The following PNPT1 variants were observed in gnomAD, a reference collection of about 807,000 sequenced individuals.
The protein encoded by PNPT1 is polyribonucleotide nucleotidyltransferase 1, mitochondrial.
PNPT1 carries 53 observed loss-of-function variants against 119.5 expected under a neutral mutation model. The observed-to-expected ratio is 0.44, with a 90% CI of 0.36 to 0.56. The LOEUF is 0.56. Ranked by LOEUF, PNPT1 falls within the 20% of genes least tolerant of loss-of-function variation. The pLI, the probability that PNPT1 is intolerant of heterozygous loss-of-function variation, is 0.00. For missense variants in PNPT1, 948 were observed against 938.5 expected, an observed-to-expected ratio of 1.01 and a Z score of -0.13; for synonymous variants, 357 against 322.1, an observed-to-expected ratio of 1.11 and a Z score of -1.16.
At chr2:55,637,794 A>G (rs1559084051) in intron 26 of PNPT1, among the ~76,000 whole-genome samples, 195 bp from the exon 27 acceptor site, 1 of 151,968 alleles carries the variant, frequency 6.6e-6, no homozygotes, top group Non-Finnish European at 1.5e-5. Flanking sequence ...CAGGAGATTG[A>G]GACCATCTCT....
intron 15 of PNPT1, among the ~76,000 whole-genome samples, chr2:55,657,591 G>C (rs2104077404): frequency 6.6e-6 from 1 of 151,372 alleles, no homozygotes; most frequent in South Asian, 2.1e-4. Context: ...TCACCATGTT[G>C]GTCAGGCTGG....
chr2:55,651,681 G>T (rs1313076054), intron 18 of PNPT1, among the ~76,000 whole-genome samples: 1 of 148,146 alleles, frequency 6.8e-6, no homozygotes, highest in Non-Finnish European at 1.5e-5. Flanking sequence ...AGAGACCTTT[G>T]TTCACTTGTT....
intron 25 of PNPT1, among the ~76,000 whole-genome samples, chr2:55,641,569 G>A (rs1311119033): frequency 6.6e-6 from 1 of 152,060 alleles, no homozygotes; most frequent in Non-Finnish European, 1.5e-5. Context: ...GTAAGGTAAG[G>A]ATTTAAGGAA....
rs994036501 is a variant in PNPT1, at chr2:55,671,412, A to G, written c.919-36T>C. ...GTTGAGGTTCAGTTATTACATATAC[A>G]TGACAACATTTAATATTTCTGTTTT... On this transcript the variant is annotated intron_variant, in intron 10 of 27. Coordinates refer to ENST00000447944, the MANE Select transcript of PNPT1 (RefSeq NM_033109.5). The G allele has an allele frequency of 7.2e-6, 9 of 1,245,638 alleles. No individual in the cohort carries two copies. In the African/African-American group the frequency reaches 1.2e-4, roughly 17 times the overall value. The allele number at this position is 1,245,638 out of a possible 1,614,324, so 77.2% of individuals were successfully genotyped here.
chr2:55,667,121 T>C (rs750967970), intron 12 of PNPT1, 28 bp from the exon 13 acceptor site: 26 of 1,532,748 alleles, frequency 1.7e-5, no homozygotes, highest in Admixed American at 1.2e-4. Context: ...ATAAGTACAT[T>C]AAGTAACGCT....
intron 3 of PNPT1, 58 bp downstream of exon 3, chr2:55,686,312 T>C (rs1054011162): frequency 6.7e-7 from 1 of 1,488,336 alleles, no homozygotes; most frequent in South Asian, 1.2e-5. Context: ...AAAAATATTA[T>C]ACATTCTACA....
intron 18 of PNPT1, among the ~76,000 whole-genome samples, chr2:55,653,677 A>T (rs905306290): frequency 2.0e-5 from 3 of 152,232 alleles, no homozygotes; most frequent in African/African-American, 7.2e-5. Flanking sequence ...CTTAAATATC[A>T]GATTATGTTT....
rs2104127478 is a variant in PNPT1 at position 55,673,023 on chromosome 2, T to C, written c.736A>G (p.Lys246Glu). The C allele has an allele frequency of 1.2e-6, 2 of 1,612,720 alleles. No homozygotes were observed. The highest frequency in any genetic ancestry group is 1.7e-6 in the Non-Finnish European group (2 of 1,179,800). ...TGTTGGGTATATTTCACTCCCACTT[T>C]GATAGCATGGCAAAAGTCCTGCTGT... Reference protein sequence around the residue: ...ILQQDFCHAIKVGVKYTQQII... With the variant: ...ILQQDFCHAIEVGVKYTQQII... Residue 246 changes from lysine (K) to glutamate (E), a missense_variant, in exon 9 of 28, where the codon AAA (lysine) becomes GAA (glutamate). Transcript: ENST00000447944.
intron 18 of PNPT1, among the ~76,000 whole-genome samples, chr2:55,654,510 G>A (rs530314169): frequency 1.3e-5 from 2 of 152,216 alleles, no homozygotes; most frequent in Admixed American, 1.3e-4. Context: ...CCTTTTGGAA[G>A]GAAATAAAGT....
chr2:55,656,511 C>T, intron 15 of PNPT1, 140 bp from the exon 16 acceptor site: 1 of 739,918 alleles, frequency 1.4e-6, no homozygotes, highest in Non-Finnish European at 2.2e-6. Flanking sequence ...CATAAATATA[C>T]AGAAAACGTA....
rs948483178 is a variant in PNPT1 at position 55,688,712 on chromosome 2, G to A, written c.162-1007C>T. ...TGCAGTCCAGCCTGGGTGACAGAGT[G>A]AGACTCTGTAACAAAAACAAAACAA... On this transcript the variant is annotated intron_variant, in intron 1 of 27. Transcript: ENST00000447944. 7.9e-5 allele frequency among the ~76,000 whole-genome samples: 12 copies of A among 152,000 alleles called. No homozygotes were observed. In the South Asian group the frequency reaches 1.2e-3, roughly 16 times the overall value.
intron 18 of PNPT1, 132 bp from the exon 19 acceptor site, chr2:55,647,585 T>G: frequency 1.7e-6 from 1 of 575,348 alleles, no homozygotes; most frequent in Non-Finnish European, 3.0e-6. Context: ...AGTGGCATGA[T>G]CTTGGCTCAC....
chr2:55,665,395 T>C (rs1220877037), intron 13 of PNPT1, among the ~76,000 whole-genome samples: 2 of 152,116 alleles, frequency 1.3e-5, no homozygotes, highest in African/African-American at 4.8e-5. Context: ...GTTTTCAGGT[T>C]TACTCTAAAC....
chr2:55,684,463 C>CA (rs1454064684), intron 4 of PNPT1, among the ~76,000 whole-genome samples: 2 of 151,174 alleles, frequency 1.3e-5, no homozygotes, highest in African/African-American at 2.4e-5. Flanking sequence ...GACTCTGTCT[C>CA]AAAAAAAAGC....
chr2:55,677,268 G>T (rs547481027), intron 8 of PNPT1, among the ~76,000 whole-genome samples: 80 of 152,296 alleles, frequency 5.3e-4, no homozygotes, highest in African/African-American at 1.9e-3. Context: ...TGGCCTGTGG[G>T]GTTTCTGTGG....
intron 7 of PNPT1, 131 bp downstream of exon 7, chr2:55,680,581 A>T: frequency 1.2e-6 from 1 of 833,342 alleles, no homozygotes; most frequent in Non-Finnish European, 1.9e-6. Context: ...AAGGAGACTT[A>T]GAACGTCATC....
intron 1 of PNPT1, among the ~76,000 whole-genome samples, chr2:55,690,646 T>C (rs1697567395): frequency 6.6e-6 from 1 of 152,248 alleles, no homozygotes; most frequent in African/African-American, 2.4e-5. Context: ...TAATATATGT[T>C]AATAAATACA....
intron 15 of PNPT1, among the ~76,000 whole-genome samples, chr2:55,659,079 C>G (rs184916002): frequency 6.6e-6 from 1 of 152,128 alleles, no homozygotes; most frequent in Admixed American, 6.5e-5. Context: ...CTCAGCCTCC[C>G]GAGTAGCTGG....
intron 8 of PNPT1, 105 bp from the exon 9 acceptor site, chr2:55,673,184 C>A (rs1361014828): frequency 1.1e-6 from 1 of 889,332 alleles, no homozygotes; most frequent in African/African-American, 1.7e-5. Flanking sequence ...ATCAATTTTA[C>A]TTCTTAGTGA....
Sources: gnomAD v4.1 joint callset for allele counts (sites outside exome capture counted in the v4.1 genomes callset) on GRCh38, gnomAD v4.1.1 for gene constraint, MANE v1.5 for transcripts, NCBI Gene and HGNC (gene_info 2026-07-23, HGNC 2026-07-21) for gene names.